CLSTN2: variants seen among roughly 807,000 people sequenced by gnomAD.
CLSTN2 encodes calsyntenin 2, also known as calsyntenin-2.
A neutral mutation model predicts 101.2 loss-of-function variants in CLSTN2; 48 were observed. That is an observed-to-expected ratio of 0.47 (90% CI 0.38 to 0.60). CLSTN2 has a LOEUF of 0.60. Among genes scored for constraint, CLSTN2 ranks in the 20% least tolerant of loss-of-function variants. The probability of loss-of-function intolerance (pLI) is 0.00; values close to 1 mark genes in which losing one functional copy is unlikely to be tolerated. For synonymous variants in CLSTN2, 481 were observed against 463.6 expected (o/e 1.04, Z -0.48); for missense variants, 1,160 against 1,238.2 (o/e 0.94, Z 0.95).
intron 8 of CLSTN2, among the ~76,000 whole-genome samples, chr3:140,474,003 T>C (rs1157718141): frequency 6.6e-6 from 1 of 152,156 alleles, no homozygotes; most frequent in Non-Finnish European, 1.5e-5. Context: ...CTCGATCTCC[T>C]GACCTTATGA....
chr3:140,345,244 C>G (rs749029543), intron 2 of CLSTN2, among the ~76,000 whole-genome samples: 1 of 145,922 alleles, frequency 6.9e-6, no homozygotes. Context: ...GTGGATATAG[C>G]CTTTTTTTCT....
intron 2 of CLSTN2, among the ~76,000 whole-genome samples, chr3:140,377,713 A>C (rs2087932123): frequency 6.6e-6 from 1 of 152,232 alleles, no homozygotes. Flanking sequence ...AAAGTTAAAA[A>C]ATATTTAAAA....
chr3:140,221,338 A>G (rs928165008), intron 2 of CLSTN2, among the ~76,000 whole-genome samples: 2 of 152,180 alleles, frequency 1.3e-5, no homozygotes, highest in African/African-American at 4.8e-5. Context: ...AATATTTTTG[A>G]TTATGGGGTG....
intron 1 of CLSTN2, among the ~76,000 whole-genome samples, chr3:140,044,966 A>G (rs1291472370): frequency 1.3e-5 from 2 of 152,196 alleles, no homozygotes; most frequent in Non-Finnish European, 2.9e-5. Flanking sequence ...ATCGATGTTC[A>G]TCAGGGATAT....
At chr3:140,194,109 A>G (rs1203927878) in intron 2 of CLSTN2, among the ~76,000 whole-genome samples, 3 of 152,144 alleles carry the variant, frequency 2.0e-5, no homozygotes, top group African/African-American at 7.2e-5. Context: ...ATCTTTGTCA[A>G]TATCTTAGTC....
At chr3:140,246,795 C>T (rs2086522013) in intron 2 of CLSTN2, among the ~76,000 whole-genome samples, 1 of 152,102 alleles carries the variant, frequency 6.6e-6, no homozygotes, top group Non-Finnish European at 1.5e-5. Context: ...GGCTTTTTAG[C>T]AGCTCCCTGT....
chr3:140,308,689 AG>A (rs1291471996), intron 2 of CLSTN2, among the ~76,000 whole-genome samples: 2 of 152,238 alleles, frequency 1.3e-5, no homozygotes, highest in African/African-American at 2.4e-5. Flanking sequence ...GGATGTTGAC[AG>A]TGTTGACAGA....
chr3:140,429,992 G>C (rs938950112), intron 5 of CLSTN2, among the ~76,000 whole-genome samples: 2 of 152,144 alleles, frequency 1.3e-5, no homozygotes, highest in Admixed American at 1.3e-4. Context: ...CCAGGGGTCA[G>C]CTGGTCACCT....
At chr3:140,113,846 TTGTG>T (rs1013084145) in intron 1 of CLSTN2, among the ~76,000 whole-genome samples, 12 of 152,046 alleles carry the variant, frequency 7.9e-5, no homozygotes, top group African/African-American at 2.7e-4. Flanking sequence ...AATGGAGCAA[TTGTG>T]TGTGTGTATA....
chr3:140,052,828 G>A (rs1448593380), intron 1 of CLSTN2, among the ~76,000 whole-genome samples: 1 of 152,240 alleles, frequency 6.6e-6, no homozygotes, highest in Non-Finnish European at 1.5e-5. Flanking sequence ...AGGCTGTGTG[G>A]TCTTGGGCAC....
intron 8 of CLSTN2, among the ~76,000 whole-genome samples, chr3:140,517,981 G>A (rs1272343761): frequency 8.5e-5 from 13 of 152,206 alleles, no homozygotes; most frequent in South Asian, 2.1e-4. Context: ...CAGACTCTCC[G>A]TGGATGCGGC....
At chr3:140,536,510 C>A (rs1473827600) in intron 9 of CLSTN2, among the ~76,000 whole-genome samples, 1 of 152,048 alleles carries the variant, frequency 6.6e-6, no homozygotes. Flanking sequence ...CACATATAGA[C>A]CCTGATGACC....
intron 1 of CLSTN2, among the ~76,000 whole-genome samples, chr3:140,059,290 C>T (rs777508947): frequency 6.6e-6 from 1 of 152,212 alleles, no homozygotes; most frequent in Non-Finnish European, 1.5e-5. Flanking sequence ...TCCCAGATGG[C>T]TGACAGCTCC....
chr3:139,958,300 G>A (rs1935446917), intron 1 of CLSTN2, among the ~76,000 whole-genome samples: 3 of 152,104 alleles, frequency 2.0e-5, no homozygotes, highest in Admixed American at 2.0e-4. Context: ...CTCTTGGGAG[G>A]GCTTATCAGC....
chr3:139,957,081 G>C (rs1018894556), intron 1 of CLSTN2, among the ~76,000 whole-genome samples: 1 of 152,336 alleles, frequency 6.6e-6, no homozygotes, highest in East Asian at 1.9e-4. Flanking sequence ...TGATGATGCT[G>C]TACAGGAGGG....
rs141558667 is a variant in CLSTN2, at chr3:140,190,688, A to G, written c.232+14615A>G. 3.9e-5 allele frequency among the ~76,000 whole-genome samples: 6 copies of G among 152,172 alleles called. No individual in the cohort carries two copies. In the East Asian group the frequency reaches 7.7e-4, roughly 20 times the overall value. ...CATTTTTTGAGTGACTGTAAATAGTATTGTATTTTTAATTGTGTTGTATTT... is the reference window on the plus strand; with the variant it reads ...CATTTTTTGAGTGACTGTAAATAGTGTTGTATTTTTAATTGTGTTGTATTT... On this transcript the variant is annotated intron_variant, in intron 2 of 16. Coordinates refer to ENST00000458420, the MANE Select transcript of CLSTN2 (RefSeq NM_022131.3).
intron 1 of CLSTN2, among the ~76,000 whole-genome samples, chr3:140,115,824 G>T (rs779735954): frequency 6.6e-6 from 1 of 152,286 alleles, no homozygotes; most frequent in Admixed American, 6.5e-5. Context: ...CATTCTTCAG[G>T]AAATAAAAAG....
At chr3:140,563,251 G>A in intron 15 of CLSTN2, 48 bp downstream of exon 15, 2 of 1,592,362 alleles carry the variant, frequency 1.3e-6, no homozygotes, top group Non-Finnish European at 1.7e-6. Flanking sequence ...TCGTCATTGT[G>A]ACTCAAGATT....
chr3:140,032,932 A>G (rs1255605232), intron 1 of CLSTN2, among the ~76,000 whole-genome samples: 2 of 152,222 alleles, frequency 1.3e-5, no homozygotes, highest in African/African-American at 2.4e-5. Flanking sequence ...GGAGAGGCAG[A>G]CTGACCCTTA....
Sources: gnomAD v4.1 joint callset for allele counts (sites outside exome capture counted in the v4.1 genomes callset) on GRCh38, gnomAD v4.1.1 for gene constraint, MANE v1.5 for transcripts, NCBI Gene and HGNC (gene_info 2026-07-23, HGNC 2026-07-21) for gene names.